Variants in FSTL5 observed in about 807,000 individuals in gnomAD.
The protein encoded by FSTL5 is follistatin-related protein 5.
Under a neutral mutation model 89.1 loss-of-function variants are expected in FSTL5, and 62 were observed. That is an observed-to-expected ratio of 0.70 (90% CI 0.57 to 0.86). FSTL5 has a LOEUF of 0.86. FSTL5 is among the 40% of genes least tolerant of loss of function. The pLI is 0.00. For missense variants in FSTL5, 1,057 were observed against 1,001.6 expected, an observed-to-expected ratio of 1.06 and a Z score of -0.75; for synonymous variants, 383 against 346.2, an observed-to-expected ratio of 1.11 and a Z score of -1.18.
chr4:161,459,630 A>G (rs1733491006), intron 13 of FSTL5, among the ~76,000 whole-genome samples: 1 of 152,044 alleles, frequency 6.6e-6, no homozygotes, highest in Non-Finnish European at 1.5e-5. Flanking sequence ...TTCATTACCT[A>G]TGCACATTGT....
chr4:161,610,790 T>C (rs998906243), intron 7 of FSTL5, among the ~76,000 whole-genome samples: 1 of 148,362 alleles, frequency 6.7e-6, no homozygotes, highest in Non-Finnish European at 1.5e-5. Flanking sequence ...AATTTTTTTT[T>C]ATATTTTGGT....
intron 7 of FSTL5, among the ~76,000 whole-genome samples, chr4:161,626,997 C>T (rs1735337010): frequency 6.6e-6 from 1 of 152,098 alleles, no homozygotes; most frequent in African/African-American, 2.4e-5. Context: ...TCCTGAGATG[C>T]AACCTACTGG....
chr4:161,977,938 T>C (rs1735711936), intron 3 of FSTL5, among the ~76,000 whole-genome samples: 1 of 152,144 alleles, frequency 6.6e-6, no homozygotes, highest in Admixed American at 6.5e-5. Context: ...GAAATTACCA[T>C]ATAAAATCTG....
chr4:161,473,292 T>G (rs1560911961), intron 13 of FSTL5, among the ~76,000 whole-genome samples: 1 of 152,218 alleles, frequency 6.6e-6, no homozygotes, highest in East Asian at 1.9e-4. Context: ...TTCTCAATTC[T>G]GTCAGCTTTT....
At chr4:161,579,507 C>A (rs1051833725) in intron 8 of FSTL5, among the ~76,000 whole-genome samples, 4 of 151,928 alleles carry the variant, frequency 2.6e-5, no homozygotes, top group Non-Finnish European at 5.9e-5. Context: ...CACCTGAGGT[C>A]AGGGGTTTGA....
chr4:161,693,709 G>A (rs1375433197), intron 6 of FSTL5, among the ~76,000 whole-genome samples: 1 of 136,186 alleles, frequency 7.3e-6, no homozygotes, highest in Non-Finnish European at 1.5e-5. Context: ...CGCGATCTCA[G>A]CTCACTGCAA....
At chr4:161,411,688 G>T (rs1247290637) in intron 15 of FSTL5, among the ~76,000 whole-genome samples, 1 of 152,110 alleles carries the variant, frequency 6.6e-6, no homozygotes, top group Non-Finnish European at 1.5e-5. Flanking sequence ...AACATACCTA[G>T]AAATAACAAG....
chr4:161,832,550 A>G (rs1046804838), intron 4 of FSTL5, among the ~76,000 whole-genome samples: 3 of 152,120 alleles, frequency 2.0e-5, no homozygotes, highest in African/African-American at 7.2e-5. Context: ...TATTGCCACA[A>G]TTTCAGAGCC....
chr4:161,572,022 A>C (rs1285498942), intron 8 of FSTL5, among the ~76,000 whole-genome samples: 2 of 152,096 alleles, frequency 1.3e-5, no homozygotes, highest in Non-Finnish European at 2.9e-5. Context: ...GAATGCACTG[A>C]TTATGGGCCA....
intron 6 of FSTL5, among the ~76,000 whole-genome samples, chr4:161,672,706 TAA>T (rs61459217): frequency 1.5e-5 from 2 of 132,930 alleles, no homozygotes; most frequent in Non-Finnish European, 3.2e-5. Flanking sequence ...TCTAAGAAAT[TAA>T]AAAAAAAAAA....
chr4:161,775,496 C>G (rs951669089), intron 5 of FSTL5, among the ~76,000 whole-genome samples: 1 of 151,970 alleles, frequency 6.6e-6, no homozygotes, highest in Non-Finnish European at 1.5e-5. Context: ...CTCAGTTGTT[C>G]GGTAGTGCCC....
chr4:161,850,295 A>G (rs1731506704), intron 4 of FSTL5, among the ~76,000 whole-genome samples: 1 of 152,200 alleles, frequency 6.6e-6, no homozygotes, highest in Non-Finnish European at 1.5e-5. Flanking sequence ...CTGTTGAATG[A>G]CAGTTGCAAT....
intron 4 of FSTL5, among the ~76,000 whole-genome samples, chr4:161,884,099 G>T (rs905290301): frequency 1.9e-4 from 29 of 151,684 alleles, no homozygotes; most frequent in African/African-American, 6.5e-4. Context: ...TGCCCAGGCT[G>T]CAGTCAGTGG....
intron 2 of FSTL5, among the ~76,000 whole-genome samples, chr4:162,051,393 A>G (rs998294683): frequency 1.3e-5 from 2 of 151,574 alleles, no homozygotes; most frequent in Admixed American, 1.3e-4. Context: ...ATATCTCACA[A>G]AAAACAAAAA....
At chr4:162,115,899 C>G (rs1010820967) in intron 1 of FSTL5, among the ~76,000 whole-genome samples, 1 of 152,048 alleles carries the variant, frequency 6.6e-6, no homozygotes, top group Non-Finnish European at 1.5e-5. Flanking sequence ...TTTACATATT[C>G]TCCAGAATGT....
At chr4:161,770,544 A>G (rs1484325960) in intron 5 of FSTL5, among the ~76,000 whole-genome samples, 1 of 152,028 alleles carries the variant, frequency 6.6e-6, no homozygotes, top group African/African-American at 2.4e-5. Context: ...ATAGTCATGC[A>G]TATCTGAGGA....
intron 15 of FSTL5, among the ~76,000 whole-genome samples, chr4:161,390,980 C>A (rs952920211): frequency 7.2e-5 from 11 of 152,120 alleles, no homozygotes; most frequent in African/African-American, 2.4e-4. Flanking sequence ...ATCTACACCA[C>A]CTCAGATTTC....
At chr4:161,670,355 G>A (rs1196204498) in intron 6 of FSTL5, among the ~76,000 whole-genome samples, 1 of 152,114 alleles carries the variant, frequency 6.6e-6, no homozygotes, top group Non-Finnish European at 1.5e-5. Flanking sequence ...ATATTAACCT[G>A]TGTGCATTTC....
chr4:161,541,528 C>G (rs1438923852), intron 9 of FSTL5, among the ~76,000 whole-genome samples: 1 of 151,968 alleles, frequency 6.6e-6, no homozygotes, highest in Non-Finnish European at 1.5e-5. Flanking sequence ...TACGTATGCA[C>G]ATTAGTGATT....
Sources: allele counts gnomAD v4.1 joint callset (sites outside exome capture counted in the v4.1 genomes callset), GRCh38; gene constraint gnomAD v4.1.1; transcripts MANE v1.5; gene names NCBI Gene and HGNC (gene_info 2026-07-23, HGNC 2026-07-21).